The following EXOC6B variants were observed in gnomAD, a reference collection of about 807,000 sequenced individuals.
EXOC6B encodes the protein SEC15 homolog B.
A neutral mutation model predicts 113.5 loss-of-function variants in EXOC6B; 54 were observed. The observed-to-expected ratio is 0.48, with a 90% confidence interval of 0.38 to 0.60. The LOEUF (loss-of-function observed/expected upper bound fraction) is 0.60, where lower values mean the gene tolerates loss of function less well. Ranked by LOEUF, EXOC6B falls within the 20% of genes least tolerant of loss-of-function variation. The probability of loss-of-function intolerance (pLI) is 0.00; values close to 1 mark genes in which losing one functional copy is unlikely to be tolerated. For synonymous variants in EXOC6B, 357 were observed against 339.0 expected, an observed-to-expected ratio of 1.05 and a Z score of -0.58; for missense variants, 797 against 977.5, an observed-to-expected ratio of 0.82 and a Z score of 2.46.
At chr2:72,302,974 A>ATT (rs988916674) in intron 20 of EXOC6B, among the ~76,000 whole-genome samples, 14 of 152,042 alleles carry the variant, frequency 9.2e-5, no homozygotes, top group Non-Finnish European at 1.6e-4. Context: ...TCCTTTCCAT[A>ATT]TTTAGTGCTT....
intron 20 of EXOC6B, among the ~76,000 whole-genome samples, chr2:72,304,664 A>C (rs977305041): frequency 3.9e-5 from 6 of 152,238 alleles, no homozygotes; most frequent in African/African-American, 1.4e-4. Flanking sequence ...AAGTCAACTC[A>C]AAGATCAACC....
In EXOC6B at chr2:72,465,353, T is replaced by A; in HGVS notation, c.1801-14A>T. 1.9e-6 allele frequency: 3 copies of A among 1,553,658 alleles called. No individual in the cohort carries two copies. The highest frequency in any genetic ancestry group is 2.0e-5 in the Admixed American group (1 of 49,640). ...ATGTCTAGCATCCTGTGAAAAAATA[T>A]AAAATTTGAAAAATCACTCAGATTT... On this transcript the variant is annotated splice_polypyrimidine_tract_variant and intron_variant, in intron 17 of 21. Coordinates refer to ENST00000272427, the MANE Select transcript of EXOC6B (RefSeq NM_015189.3).
intron 8 of EXOC6B, among the ~76,000 whole-genome samples, chr2:72,523,732 G>A (rs1701610894): frequency 8.1e-6 from 1 of 122,922 alleles, no homozygotes; most frequent in Non-Finnish European, 1.6e-5. Context: ...CATGAGCCGA[G>A]ATCACGCCAC....
intron 20 of EXOC6B, among the ~76,000 whole-genome samples, chr2:72,265,239 T>TTTTTTATTATTATTA (rs369845723): frequency 7.5e-5 from 11 of 146,848 alleles, no homozygotes; most frequent in African/African-American, 2.8e-4. Context: ...TAACTATTCT[T>TTTTTTATTATTATTA]TTATTATTAT....
Position 72,514,821 on chromosome 2 carries a change from T to C in EXOC6B, c.1000-141A>G, listed in dbSNP as rs115852592. On this transcript the variant is annotated intron_variant, in intron 9 of 21. Transcript: ENST00000272427. ...TAAAAATAATAATATTATCTACCAATGAAGAGGAAATATGACAGCACATAT... is the reference window on the plus strand; with the variant it reads ...TAAAAATAATAATATTATCTACCAACGAAGAGGAAATATGACAGCACATAT... 8.8e-4 allele frequency: 566 copies of C among 645,442 alleles called. 2 individuals are homozygous for C. In the African/African-American group the frequency reaches 9.8e-3, roughly 11 times the overall value. The allele number at this position is 645,442 out of a possible 1,614,324, so 40.0% of individuals were successfully genotyped here.
intron 1 of EXOC6B, among the ~76,000 whole-genome samples, chr2:72,775,396 A>G (rs919769117): frequency 2.0e-5 from 3 of 152,202 alleles, no homozygotes; most frequent in Admixed American, 6.5e-5. Flanking sequence ...GAATAACAAA[A>G]CATAAACCTA....
At chr2:72,199,502 G>A (rs924045191) in intron 20 of EXOC6B, among the ~76,000 whole-genome samples, 3 of 152,052 alleles carry the variant, frequency 2.0e-5, no homozygotes, top group Non-Finnish European at 4.4e-5. Flanking sequence ...GGCTGGCTAC[G>A]GGCCTCTGGC....
chr2:72,806,300 T>C (rs955101996), intron 1 of EXOC6B, among the ~76,000 whole-genome samples: 1 of 152,224 alleles, frequency 6.6e-6, no homozygotes, highest in Non-Finnish European at 1.5e-5. Flanking sequence ...TGTTCCTGTG[T>C]TAATTTGCTT....
chr2:72,715,403 C>A (rs1177104133), intron 6 of EXOC6B, among the ~76,000 whole-genome samples: 3 of 148,862 alleles, frequency 2.0e-5, no homozygotes, highest in African/African-American at 4.9e-5. Context: ...TTCCCAGCAT[C>A]TACTTCAGAA....
intron 20 of EXOC6B, among the ~76,000 whole-genome samples, chr2:72,279,078 G>A (rs1383772145): frequency 6.6e-6 from 1 of 152,150 alleles, no homozygotes; most frequent in African/African-American, 2.4e-5. Context: ...AATTTGTAGG[G>A]CAAGTATACC....
intron 18 of EXOC6B, among the ~76,000 whole-genome samples, chr2:72,413,115 C>T (rs542875886): frequency 4.6e-5 from 7 of 152,110 alleles, no homozygotes; most frequent in Non-Finnish European, 8.8e-5. Context: ...CCCGCCACCA[C>T]GCCCGGCGAA....
chr2:72,238,402 A>T (rs1682092968), intron 20 of EXOC6B, among the ~76,000 whole-genome samples: 1 of 152,184 alleles, frequency 6.6e-6, no homozygotes, highest in Non-Finnish European at 1.5e-5. Flanking sequence ...AAATGTTTTC[A>T]TCTTGAGTAT....
chr2:72,272,192 G>A (rs1381342717), intron 20 of EXOC6B, among the ~76,000 whole-genome samples: 1 of 152,064 alleles, frequency 6.6e-6, no homozygotes, highest in Admixed American at 6.6e-5. Flanking sequence ...GGTGCCAGGG[G>A]GTCACTAGGA....
chr2:72,816,313 T>C (rs921823569), intron 1 of EXOC6B, among the ~76,000 whole-genome samples: 5 of 152,104 alleles, frequency 3.3e-5, no homozygotes, highest in Admixed American at 6.5e-5. Flanking sequence ...ATTTACATAA[T>C]GGAATACTAT....
intron 1 of EXOC6B, among the ~76,000 whole-genome samples, chr2:72,820,681 T>C (rs1057396936): frequency 6.6e-6 from 1 of 152,020 alleles, no homozygotes; most frequent in Non-Finnish European, 1.5e-5. Flanking sequence ...ATAAGGAACA[T>C]AAATCATGAT....
At chr2:72,210,723 A>G (rs1422989087) in intron 20 of EXOC6B, among the ~76,000 whole-genome samples, 1 of 152,180 alleles carries the variant, frequency 6.6e-6, no homozygotes, top group Non-Finnish European at 1.5e-5. Context: ...TGCCCGTGGA[A>G]GCTTGGTTTG....
intron 6 of EXOC6B, among the ~76,000 whole-genome samples, chr2:72,674,270 T>C (rs1185781814): frequency 6.6e-6 from 1 of 152,138 alleles, no homozygotes; most frequent in Non-Finnish European, 1.5e-5. Context: ...CCCAATCTCA[T>C]TTCAAGGACA....
intron 6 of EXOC6B, among the ~76,000 whole-genome samples, chr2:72,608,602 G>T (rs947536243): frequency 6.6e-6 from 1 of 151,926 alleles, no homozygotes; most frequent in African/African-American, 2.4e-5. Context: ...ATAAAATTTA[G>T]GGCTACTTTC....
chr2:72,672,371 G>A (rs372182450), intron 6 of EXOC6B, among the ~76,000 whole-genome samples: 3 of 151,390 alleles, frequency 2.0e-5, no homozygotes, highest in East Asian at 2.0e-4. Flanking sequence ...TGGCTCACGC[G>A]TGTAATCCTA....
Sources: gnomAD v4.1 joint callset for allele counts (sites outside exome capture counted in the v4.1 genomes callset) on GRCh38, gnomAD v4.1.1 for gene constraint, MANE v1.5 for transcripts, NCBI Gene and HGNC (gene_info 2026-07-23, HGNC 2026-07-21) for gene names.